Variants in ADAMTS18 observed in about 807,000 individuals in gnomAD.
ADAMTS18 encodes ADAM metallopeptidase with thrombospondin type 1 motif 18, also known as A disintegrin and metalloproteinase with thrombospondin motifs 18.
Under a neutral mutation model 165.9 loss-of-function variants are expected in ADAMTS18, and 157 were observed. That is an observed-to-expected ratio of 0.95 (90% CI 0.83 to 1.08). The LOEUF (loss-of-function observed/expected upper bound fraction) is 1.08. ADAMTS18 is among the 50% of genes least tolerant of loss of function. The pLI, the probability that ADAMTS18 is intolerant of heterozygous loss-of-function variation, is 0.00. For synonymous variants in ADAMTS18, 782 were observed against 578.2 expected (o/e 1.35, Z -5.06); for missense variants, 2,040 against 1,534.0 (o/e 1.33, Z -5.51).
At chr16:77,361,445 C>T (rs2056711725) in intron 7 of ADAMTS18, among the ~76,000 whole-genome samples, 1 of 152,184 alleles carries the variant, frequency 6.6e-6, no homozygotes, top group South Asian at 2.1e-4. Context: ...GGCACTGTTA[C>T]CTAGTGGCAC....
intron 3 of ADAMTS18, among the ~76,000 whole-genome samples, chr16:77,424,900 C>G (rs1422762994): frequency 6.6e-6 from 1 of 152,144 alleles, no homozygotes; most frequent in Non-Finnish European, 1.5e-5. Context: ...ACAAGGCCCT[C>G]CAAAGCAGCT....
At chr16:77,406,781 A>ATT (rs374441008) in intron 3 of ADAMTS18, among the ~76,000 whole-genome samples, 2 of 151,780 alleles carry the variant, frequency 1.3e-5, no homozygotes, top group African/African-American at 4.8e-5. Flanking sequence ...AAAGAATATC[A>ATT]TTTTTTTTGC....
intron 3 of ADAMTS18, among the ~76,000 whole-genome samples, chr16:77,417,419 T>C (rs192116220): frequency 3.3e-5 from 5 of 152,312 alleles, no homozygotes; most frequent in East Asian, 1.9e-4. Context: ...GCTTACCTTA[T>C]ATATTTATAA....
At chr16:77,347,617 T>C (rs1187850302) in intron 10 of ADAMTS18, among the ~76,000 whole-genome samples, 1 of 152,224 alleles carries the variant, frequency 6.6e-6, no homozygotes, top group African/African-American at 2.4e-5. Flanking sequence ...CTCTGATATA[T>C]TATTTGATAT....
chr16:77,293,939 G>T (rs1408567834), intron 19 of ADAMTS18, among the ~76,000 whole-genome samples: 1 of 151,702 alleles, frequency 6.6e-6, no homozygotes, highest in Admixed American at 6.6e-5. Flanking sequence ...CATGACCTGG[G>T]GGTTGGGGAC....
At chr16:77,408,221 G>A (rs1278598786) in intron 3 of ADAMTS18, among the ~76,000 whole-genome samples, 1 of 152,100 alleles carries the variant, frequency 6.6e-6, no homozygotes, top group African/African-American at 2.4e-5. Flanking sequence ...TGGCAAAGAT[G>A]AGGAACATGT....
intron 16 of ADAMTS18, among the ~76,000 whole-genome samples, chr16:77,305,610 G>T (rs566171228): frequency 6.6e-6 from 1 of 152,292 alleles, no homozygotes; most frequent in South Asian, 2.1e-4. Flanking sequence ...TCAGTTTTAA[G>T]ACACAATTAA....
chr16:77,405,045 A>T (rs189314185), intron 3 of ADAMTS18, among the ~76,000 whole-genome samples: 30 of 152,290 alleles, frequency 2.0e-4, no homozygotes, highest in African/African-American at 6.5e-4. Flanking sequence ...GGTGAGGAAA[A>T]AATTCAGAGT....
intron 3 of ADAMTS18, among the ~76,000 whole-genome samples, chr16:77,414,164 C>A (rs1197452549): frequency 6.6e-6 from 1 of 152,204 alleles, no homozygotes; most frequent in East Asian, 1.9e-4. Context: ...GAGTATTCAG[C>A]TGAAAACTGC....
intron 3 of ADAMTS18, among the ~76,000 whole-genome samples, chr16:77,373,941 G>C (rs1052237578): frequency 6.6e-6 from 1 of 152,100 alleles, no homozygotes; most frequent in African/African-American, 2.4e-5. Context: ...TCTCCAGGCA[G>C]GGCATGGTGG....
intron 3 of ADAMTS18, among the ~76,000 whole-genome samples, chr16:77,376,873 G>C (rs908966537): frequency 7.0e-6 from 1 of 142,680 alleles, no homozygotes; most frequent in Non-Finnish European, 1.5e-5. Flanking sequence ...GGAGTGCAGT[G>C]GGGTGATCTC....
intron 22 of ADAMTS18, among the ~76,000 whole-genome samples, chr16:77,286,618 T>G (rs12925274): frequency 0.12 from 17,984 of 152,108 alleles, 1,273 homozygotes; most frequent in Admixed American, 0.23. Context: ...TCAGTGTGGA[T>G]TCAACTCTAT....
At chr16:77,386,934 A>G (rs1178077568) in intron 3 of ADAMTS18, among the ~76,000 whole-genome samples, 1 of 152,186 alleles carries the variant, frequency 6.6e-6, no homozygotes, top group Non-Finnish European at 1.5e-5. Context: ...AACAAACTAC[A>G]GAAGTCTGCA....
Position 77,330,838 on chromosome 16 carries a change from G to A in ADAMTS18, c.1860-4800C>T, listed in dbSNP as rs9926880. Among the ~76,000 whole-genome samples the A allele has an allele frequency of 8.9e-3, 1,361 of 152,224 alleles. 23 individuals carry two copies. The highest frequency in any genetic ancestry group is 0.031 in the African/African-American group (1,279 of 41,516). ...AAACAGAAACCTCACACTGCTTCTC[G>A]GATGAGACAATGAAAATGGCTACAC... is the stretch of plus-strand genomic sequence containing the variant. On this transcript the variant is annotated intron_variant, in intron 12 of 22. Transcript: ENST00000282849.
rs1262735794 is a variant in ADAMTS18 at position 77,400,448 on chromosome 16, GTGTGTGTC to G, written c.495+30839_495+30846del. ...ATTGTGTGTGTGTGTGTGTGTGTGT[GTGTGTGTC>G]TGTGTGTGTGTGTGTGTGTGTGTGT... On this transcript the variant is annotated intron_variant, in intron 3 of 22. Coordinates refer to ENST00000282849, the MANE Select transcript of ADAMTS18 (RefSeq NM_199355.4). Among the ~76,000 whole-genome samples, 306 of 78,104 alleles carry G rather than the reference GTGTGTGTC, an allele frequency of 3.9e-3. 2 individuals carry two copies. The highest frequency in any genetic ancestry group is 9.0e-3 in the African/African-American group (219 of 24,442). The allele number at this position is 78,104 out of a possible 152,430, so 51.2% of individuals were successfully genotyped here. A position where few individuals can be genotyped will look rare whatever the true frequency, so the allele number is the denominator to read the frequency against.
Position 77,367,576 on chromosome 16 carries a change from G to T in ADAMTS18, c.643C>A (p.Arg215Ser), listed in dbSNP as rs760054443. 1 of 1,614,234 alleles carries T rather than the reference G, an allele frequency of 6.2e-7. No individual in the cohort carries two copies. The highest frequency in any genetic ancestry group is 1.3e-5 in the African/African-American group (1 of 75,070). ...TTCCGGCCAGAGCCGGGGTAGCCACGGTACCGCTGGATCTTCTCCTCTGCT... is the reference window on the plus strand; with the variant it reads ...TTCCGGCCAGAGCCGGGGTAGCCACTGTACCGCTGGATCTTCTCCTCTGCT... ...RTAEEKIQRY[R>S]GYPGSGRNYP... is the part of the protein sequence containing the mutation. The change falls in exon 4 of 23, where the codon CGT becomes AGT. Residue 215 changes from arginine to serine, a missense_variant. By Grantham distance (110) the Arg-to-Ser change is moderately radical. Transcript: ENST00000282849.
intron 12 of ADAMTS18, among the ~76,000 whole-genome samples, chr16:77,334,681 G>A (rs2056263542): frequency 9.4e-6 from 1 of 106,290 alleles, no homozygotes; most frequent in South Asian, 2.6e-4. Context: ...ATATACTATA[G>A]TATATATATA....
rs553900502 is a variant in ADAMTS18 at position 77,315,879 on chromosome 16, C to T, written c.2532+3970G>A. Among the ~76,000 whole-genome samples the T allele has an allele frequency of 1.3e-5, 2 of 152,180 alleles. 1 individual carries two copies. Among genetic ancestry groups the T allele is most frequent in the East Asian group, 3.9e-4 (2 of 5,190 alleles). ...AACACACACTCAACCGCCTACTTGACAGCTACTCTTGAATATCTAAGGTAC... is the reference window on the plus strand; with the variant it reads ...AACACACACTCAACCGCCTACTTGATAGCTACTCTTGAATATCTAAGGTAC... On this transcript the variant is annotated intron_variant, in intron 16 of 22. Coordinates refer to ENST00000282849, the MANE Select transcript of ADAMTS18 (RefSeq NM_199355.4).
intron 3 of ADAMTS18, among the ~76,000 whole-genome samples, chr16:77,406,337 A>G (rs1026402346): frequency 6.6e-6 from 1 of 152,150 alleles, no homozygotes; most frequent in African/African-American, 2.4e-5. Flanking sequence ...GTTATCATCA[A>G]TCTGATAGAG....
Sources: gnomAD v4.1 joint callset for allele counts (sites outside exome capture counted in the v4.1 genomes callset) on GRCh38, gnomAD v4.1.1 for gene constraint, MANE v1.5 for transcripts, NCBI Gene and HGNC (gene_info 2026-07-23, HGNC 2026-07-21) for gene names.